ITGAX: variants seen among roughly 807,000 people sequenced by gnomAD.
ITGAX encodes integrin subunit alpha X, also known as integrin alpha-X.
In ITGAX, 99 loss-of-function variants were observed where a neutral mutation model predicts 140.2. The ratio of observed to expected loss-of-function variants is 0.71; its 90% confidence interval spans 0.60 to 0.83. ITGAX has a LOEUF of 0.83. Ranked by LOEUF, ITGAX falls within the 40% of genes least tolerant of loss-of-function variation. The pLI is 0.00. For missense variants in ITGAX, 1,444 were observed against 1,482.0 expected (o/e 0.97, Z 0.42); for synonymous variants, 631 against 600.4 (o/e 1.05, Z -0.75).
chr16:31,362,285 G>A, intron 11 of ITGAX, 81 bp downstream of exon 11: 1 of 1,593,028 alleles, frequency 6.3e-7, no homozygotes, highest in Non-Finnish European at 8.6e-7. Context: ...AAGGGGTATG[G>A]GGGCTGTGCT....
In ITGAX at chr16:31,379,861, C is replaced by G. The variant is rs1182160719; in HGVS notation, c.2973C>G (p.Pro991=). 10 of 1,613,870 alleles carry G rather than the reference C, an allele frequency of 6.2e-6. No homozygotes were observed. Among genetic ancestry groups the G allele is most frequent in the Non-Finnish European group, 7.6e-6 (9 of 1,179,902 alleles). The change falls in exon 25 of 30, where the codon CCC becomes CCG. Residue 991 remains proline (P), a synonymous_variant. Coordinates refer to ENST00000268296, the MANE Select transcript of ITGAX (RefSeq NM_000887.5). Reference sequence around the variant, plus strand: ...GGATGGATGTGGAGGTCTCCCACCCCCAGGTACCCAAGGACTGCATGTGGC... The same window carrying G: ...GGATGGATGTGGAGGTCTCCCACCCGCAGGTACCCAAGGACTGCATGTGGC... ...AVWMDVEVSH[P]QNPSLRCSSE...
intron 5 of ITGAX, 177 bp downstream of exon 5, chr16:31,357,541 G>A (rs1172384015): frequency 3.4e-6 from 2 of 585,450 alleles, no homozygotes; most frequent in South Asian, 2.1e-5. Context: ...TCGCCCGCAC[G>A]CTGCCGGACC....
chr16:31,379,665 G>T lies in ITGAX; in HGVS notation c.2868+19G>T. ...ATACCAGGCAGGTGGTGGAGACGCA[G>T]GAGACTGGGCTGGGGTGGGAGGCTG... is the stretch of plus-strand genomic sequence containing the variant. On this transcript the variant is annotated intron_variant, in intron 24 of 29. Coordinates refer to ENST00000268296, the MANE Select transcript of ITGAX (RefSeq NM_000887.5). 1 of 1,568,952 alleles carries T rather than the reference G, an allele frequency of 6.4e-7. No homozygotes were observed.
rs1006506024 is a variant in ITGAX, at chr16:31,379,850, G to A, written c.2962G>A (p.Val988Ile). ...NQEAVWMDVE[V>I]SHPQNPSLRC... The stretch of plus-strand genomic sequence containing the variant: ...GGAGGCTGTGTGGATGGATGTGGAG[G>A]TCTCCCACCCCCAGGTACCCAAGGA... The change falls in exon 25 of 30, where the codon GTC (valine) becomes ATC (isoleucine). Residue 988 changes from valine to isoleucine, a missense_variant. By Grantham distance (29) the Val-to-Ile change is conservative. Coordinates refer to ENST00000268296, the MANE Select transcript of ITGAX (RefSeq NM_000887.5). 6.2e-7 allele frequency: 1 copy of A among 1,613,966 alleles called. No homozygotes were observed. Among genetic ancestry groups the A allele is most frequent in the Non-Finnish European group, 8.5e-7 (1 of 1,179,978 alleles).
At chr16:31,370,917 T>A (rs1397339066) in intron 14 of ITGAX, among the ~76,000 whole-genome samples, 167 bp from the exon 15 acceptor site, 1 of 152,068 alleles carries the variant, frequency 6.6e-6, no homozygotes, top group Non-Finnish European at 1.5e-5. Flanking sequence ...TTAGCAATCA[T>A]CTCCCAACTC....
chr16:31,357,012 C>A lies in ITGAX; in HGVS notation c.248-19C>A, dbSNP rs1157407997. On this transcript the variant is annotated intron_variant, in intron 3 of 29. Transcript: ENST00000268296. ...CTCTGTACCCCCGAGAGTGACCATG[C>A]ACATATCTGTCCCCACAGTGCCCCC... The A allele has an allele frequency of 2.5e-6, 4 of 1,598,620 alleles. No individual in the cohort carries two copies. Among genetic ancestry groups the A allele is most frequent in the Non-Finnish European group, 2.6e-6 (3 of 1,174,390 alleles).
rs2081082404 is a variant in ITGAX at position 31,382,872 on chromosome 16, CATGATTATTTTTTTAAAAAGCGTA to C, written c.*966_*989del. ...TATAGTACCTGAAAAAATGCCAAGA[CATGATTATTTTTTTAAAAAGCGTA>C]CTTTAAATGTTTGTGTTAATAAATT... On this transcript the variant is annotated 3_prime_UTR_variant, in exon 30 of 30. Transcript: ENST00000268296. The C allele has an allele frequency of 9.8e-6, 2 of 203,946 alleles. 1 individual carries two copies. Among genetic ancestry groups the C allele is most frequent in the Admixed American group, 1.2e-4 (2 of 16,996 alleles). The allele number at this position is 203,946 out of a possible 1,614,324, so 12.6% of individuals were successfully genotyped here. A position where few individuals can be genotyped will look rare whatever the true frequency, so the allele number is the denominator to read the frequency against.
rs143930173 is a variant in ITGAX at position 31,379,662 on chromosome 16, G to T, written c.2868+16G>T. On this transcript the variant is annotated intron_variant, in intron 24 of 29. Coordinates refer to ENST00000268296, the MANE Select transcript of ITGAX (RefSeq NM_000887.5). Reference sequence around the variant, plus strand: ...CAGATACCAGGCAGGTGGTGGAGACGCAGGAGACTGGGCTGGGGTGGGAGG... The same window carrying T: ...CAGATACCAGGCAGGTGGTGGAGACTCAGGAGACTGGGCTGGGGTGGGAGG... 1 of 1,567,276 alleles carries T rather than the reference G, an allele frequency of 6.4e-7. No individual in the cohort carries two copies. The highest frequency in any genetic ancestry group is 8.7e-7 in the Non-Finnish European group (1 of 1,155,470).
In ITGAX at chr16:31,356,715, C is replaced by T; in HGVS notation, c.234C>T (p.Pro78=). The T allele has an allele frequency of 6.3e-7, 1 of 1,587,568 alleles. No homozygotes were observed. The highest frequency in any genetic ancestry group is 1.2e-5 in the South Asian group (1 of 86,938). ...QCGYSTGACE[P]IGLQVPPEAV... ...GCTACAGCACTGGTGCCTGTGAGCCCATCGGCCTGCAGGGTGAGTCACCGC... is the reference window on the plus strand; with the variant it reads ...GCTACAGCACTGGTGCCTGTGAGCCTATCGGCCTGCAGGGTGAGTCACCGC... The change falls in exon 3 of 30, where the codon CCC becomes CCT. Residue 78 remains proline (P), a synonymous_variant. Coordinates refer to ENST00000268296, the MANE Select transcript of ITGAX (RefSeq NM_000887.5).
In ITGAX at chr16:31,379,498, T is replaced by C. The variant is rs1597084306; in HGVS notation, c.2790-70T>C. 2.1e-5 allele frequency: 30 copies of C among 1,440,520 alleles called. No homozygotes were observed. The East Asian group carries it at 7.2e-4, about 35-fold the overall frequency. 89.2% of individuals were successfully genotyped at this position (1,440,520 alleles called of 1,614,324 possible). A position where few individuals can be genotyped will look rare whatever the true frequency, so the allele number is the denominator to read the frequency against. On this transcript the variant is annotated intron_variant, in intron 23 of 29. Transcript: ENST00000268296. ...GCCCCACCGACCACCTGTCCTCTCATGCTCTAGCCAATGCCTTCTGCAGAT... is the reference window on the plus strand; with the variant it reads ...GCCCCACCGACCACCTGTCCTCTCACGCTCTAGCCAATGCCTTCTGCAGAT...
In ITGAX at chr16:31,380,037, T is replaced by C; in HGVS notation, c.3032T>C (p.Leu1011Pro). Reference sequence around the variant, plus strand: ...ATCGCACCCCCAGCATCTGACTTCCTGGCGCACATTCAGAAGAATCCCGTG... The same window carrying C: ...ATCGCACCCCCAGCATCTGACTTCCCGGCGCACATTCAGAAGAATCCCGTG... The part of the protein sequence containing the change: ...EKIAPPASDF[L>P]AHIQKNPVLD... The change falls in exon 26 of 30, where the codon CTG (leucine) becomes CCG (proline). Residue 1011 changes from leucine to proline, a missense_variant. Transcript: ENST00000268296. The C allele has an allele frequency of 2.5e-6, 4 of 1,614,134 alleles. No homozygotes were observed. Among genetic ancestry groups the C allele is most frequent in the Non-Finnish European group, 3.4e-6 (4 of 1,180,000 alleles).
At chr16:31,362,803 T>G (rs765908783) in intron 12 of ITGAX, 50 bp downstream of exon 12, 6 of 1,608,102 alleles carry the variant, frequency 3.7e-6, no homozygotes, top group Non-Finnish European at 5.1e-6. Context: ...GGGAGGTGGC[T>G]GGGGCAGAGG....
Position 31,376,843 on chromosome 16 carries a change from C to G in ITGAX, c.2553C>G (p.Ala851=), listed in dbSNP as rs1382380493. ...CCCTGCACCTGACATGTGACAGCGC[C>G]CCAGTTGGGAGCCAGGGCACCTGGA... The part of the protein sequence containing the change: ...LRSLHLTCDS[A]PVGSQGTWST... The change falls in exon 21 of 30, where the codon GCC becomes GCG. Residue 851 remains alanine, a synonymous_variant. Transcript: ENST00000268296. 1.4e-5 allele frequency: 23 copies of G among 1,614,208 alleles called. No homozygotes were observed. The highest frequency in any genetic ancestry group is 1.9e-5 in the Non-Finnish European group (22 of 1,180,042).
intron 10 of ITGAX, 52 bp from the exon 11 acceptor site, chr16:31,362,023 T>A (rs1348393120): frequency 6.2e-6 from 10 of 1,613,510 alleles, no homozygotes. Context: ...CTCTGGTACA[T>A]GCTGTCTTCC....
intron 14 of ITGAX, among the ~76,000 whole-genome samples, chr16:31,363,968 G>T (rs925094769): frequency 1.3e-5 from 2 of 152,026 alleles, no homozygotes; most frequent in African/African-American, 4.8e-5. Context: ...CCTTCCACTC[G>T]CCCCTCTCCT....
chr16:31,363,250 G>A lies in ITGAX; in HGVS notation c.1586G>A (p.Gly529Glu). Reference sequence around the variant, plus strand: ...TTTGGGGCGGCTCTGACAGTGCTGGGGGATGTGAATGGGGACAAGCTGACA... The same window carrying A: ...TTTGGGGCGGCTCTGACAGTGCTGGAGGATGTGAATGGGGACAAGCTGACA... ...GRFGAALTVLGDVNGDKLTDV... is the reference protein window; with the variant it reads ...GRFGAALTVLEDVNGDKLTDV... The change falls in exon 14 of 30, where the codon GGG (glycine) becomes GAG (glutamate). Residue 529 changes from glycine (G) to glutamate (E), a missense_variant. Gly to Glu is a moderately conservative substitution (Grantham distance 98). Coordinates refer to ENST00000268296, the MANE Select transcript of ITGAX (RefSeq NM_000887.5). The A allele has an allele frequency of 6.2e-7, 1 of 1,613,822 alleles. No homozygotes were observed. Among genetic ancestry groups the A allele is most frequent in the Non-Finnish European group, 8.5e-7 (1 of 1,179,876 alleles).
chr16:31,365,421 C>T (rs1216030822), intron 14 of ITGAX, among the ~76,000 whole-genome samples: 2 of 152,150 alleles, frequency 1.3e-5, no homozygotes, highest in Non-Finnish European at 2.9e-5. Flanking sequence ...AGGAAGGTCC[C>T]TGCAGTTCTG....
intron 12 of ITGAX, 85 bp from the exon 13 acceptor site, chr16:31,362,850 C>T (rs910536984): frequency 5.6e-6 from 9 of 1,605,766 alleles, no homozygotes; most frequent in Admixed American, 5.1e-5. Flanking sequence ...TGGGGGAGGT[C>T]CTGGTACCTG....
chr16:31,359,364 C>T (rs1007823720), intron 5 of ITGAX, among the ~76,000 whole-genome samples: 29 of 152,220 alleles, frequency 1.9e-4, no homozygotes, highest in Admixed American at 5.9e-4. Flanking sequence ...CGGGGTTTCA[C>T]CATGTGGGCC....
Sources: allele counts gnomAD v4.1 joint callset (sites outside exome capture counted in the v4.1 genomes callset), GRCh38; gene constraint gnomAD v4.1.1; transcripts MANE v1.5; gene names NCBI Gene and HGNC (gene_info 2026-07-23, HGNC 2026-07-21).